The following FANCM variants were observed in gnomAD, a reference collection of about 807,000 sequenced individuals.
FANCM encodes Fanconi anemia group M protein.
In FANCM, 140 loss-of-function variants were observed where a neutral mutation model predicts 199.5. The ratio of observed to expected loss-of-function variants is 0.70; its 90% CI spans 0.61 to 0.81. FANCM has a LOEUF of 0.81. FANCM is among the 30% of genes least tolerant of loss of function. FANCM has a pLI of 0.00. For missense variants in FANCM, 2,410 were observed against 2,421.4 expected, an observed-to-expected ratio of 1.00 and a Z score of 0.10; for synonymous variants, 840 against 836.8, an observed-to-expected ratio of 1.00 and a Z score of -0.07.
At chr14:45,162,349 C>T (rs1887665914) in intron 9 of FANCM, among the ~76,000 whole-genome samples, 1 of 152,144 alleles carries the variant, frequency 6.6e-6, no homozygotes, top group African/African-American at 2.4e-5. Flanking sequence ...TGACATGCCT[C>T]TCAGATTAAT....
At position 45,199,901 on chromosome 14, in the gene FANCM, G is replaced by A; in HGVS notation, c.6040G>A (p.Val2014Ile). 2 of 1,611,198 alleles carry A rather than the reference G, an allele frequency of 1.2e-6. No homozygotes were observed. The highest frequency in any genetic ancestry group is 1.1e-5 in the South Asian group (1 of 91,040). Reference protein sequence around the residue: ...SLQEISMYAQVTHQKAEEIYR... With the variant: ...SLQEISMYAQITHQKAEEIYR... ...TCAAGAAATCTCCATGTATGCACAA[G>A]TAACTCATCAGAAGGCTGAGGAGAT... is the stretch of plus-strand genomic sequence containing the variant. The change falls in exon 23 of 23, where the codon GTA becomes ATA. Residue 2014 changes from valine to isoleucine, a missense_variant. Physicochemically the swap from Val to Ile is conservative, Grantham distance 29. Transcript: ENST00000267430.
chr14:45,174,007 A>G (rs1888504970), intron 13 of FANCM, among the ~76,000 whole-genome samples: 1 of 152,216 alleles, frequency 6.6e-6, no homozygotes, highest in African/African-American at 2.4e-5. Flanking sequence ...GTTAGCAAAC[A>G]GAGAAAATAT....
intron 3 of FANCM, 53 bp downstream of exon 3, chr14:45,140,762 C>T (rs1215975715): frequency 1.5e-5 from 17 of 1,121,704 alleles, no homozygotes; most frequent in Non-Finnish European, 2.0e-5. Flanking sequence ...AGCTTTTGGC[C>T]AGGTGCAGTG....
chr14:45,163,642 ATAT>A (rs971092443), intron 9 of FANCM, among the ~76,000 whole-genome samples: 2 of 152,246 alleles, frequency 1.3e-5, no homozygotes, highest in African/African-American at 4.8e-5. Context: ...ATTCTTACAA[ATAT>A]TATAAGAAAT....
intron 14 of FANCM, among the ~76,000 whole-genome samples, chr14:45,180,274 T>A (rs1879271524): frequency 1.3e-5 from 2 of 152,268 alleles, no homozygotes; most frequent in African/African-American, 4.8e-5. Flanking sequence ...TTTCATGAGG[T>A]AATAGTCAAG....
At position 45,189,238 on chromosome 14, in the gene FANCM, A is replaced by C; in HGVS notation, c.5216A>C (p.Lys1739Thr). The C allele has an allele frequency of 6.2e-7, 1 of 1,614,154 alleles. No individual in the cohort carries two copies. Among genetic ancestry groups the C allele is most frequent in the Non-Finnish European group, 8.5e-7 (1 of 1,179,976 alleles). Residue 1739 changes from lysine to threonine, a missense_variant, in exon 20 of 23, where the codon AAG becomes ACG. Lys to Thr is a moderately conservative substitution (Grantham distance 78, BLOSUM62 -1). Transcript: ENST00000267430. ...AGCAAACAGACATCGCTGAATTTAA[A>C]GGATACAATTTCCGAAGTCTCAGAC... ...KQSKQTSLNLKDTISEVSDFK... is the reference protein window; with the variant it reads ...KQSKQTSLNLTDTISEVSDFK...
intron 7 of FANCM, 48 bp downstream of exon 7, chr14:45,154,870 A>G: frequency 6.4e-7 from 1 of 1,559,494 alleles, no homozygotes; most frequent in Non-Finnish European, 8.8e-7. Context: ...TTTCTTAATC[A>G]CAGTTAATTT....
In FANCM at chr14:45,181,624, T is replaced by G. The variant is rs759866742; in HGVS notation, c.4318-13T>G. The G allele has an allele frequency of 1.2e-6, 2 of 1,604,136 alleles. No homozygotes were observed. Among genetic ancestry groups the G allele is most frequent in the Non-Finnish European group, 1.7e-6 (2 of 1,171,344 alleles). ...AGACTTTTGTTGCCTTTTACTTTAT[T>G]TACTTACTTTAGGATCAGAAAAATA... On this transcript the variant is annotated splice_polypyrimidine_tract_variant and intron_variant, in intron 15 of 22. Transcript: ENST00000267430.
At chr14:45,149,028 T>C (rs1419815046) in intron 4 of FANCM, 33 bp downstream of exon 4, 3 of 1,488,454 alleles carry the variant, frequency 2.0e-6, no homozygotes, top group South Asian at 1.1e-5. Context: ...AGGGATTTCA[T>C]AAATAAACTG....
intron 8 of FANCM, among the ~76,000 whole-genome samples, chr14:45,156,795 G>A (rs977009740): frequency 6.6e-6 from 1 of 151,746 alleles, no homozygotes; most frequent in African/African-American, 2.4e-5. Flanking sequence ...GTATGTGCCT[G>A]TAGTCTCAGC....
In FANCM at chr14:45,181,633, T is replaced by C. The variant is rs1405001942; in HGVS notation, c.4318-4T>C. On this transcript the variant is annotated splice_polypyrimidine_tract_variant and splice_region_variant and intron_variant, in intron 15 of 22. Transcript: ENST00000267430. ...TTGCCTTTTACTTTATTTACTTACTTTAGGATCAGAAAAATAGTGAAGTTG... is the reference window on the plus strand; with the variant it reads ...TTGCCTTTTACTTTATTTACTTACTCTAGGATCAGAAAAATAGTGAAGTTG... The C allele has an allele frequency of 6.2e-7, 1 of 1,608,996 alleles. No homozygotes were observed. Among genetic ancestry groups the C allele is most frequent in the East Asian group, 2.2e-5 (1 of 44,724 alleles).
intron 2 of FANCM, among the ~76,000 whole-genome samples, chr14:45,139,728 A>C (rs534121252): frequency 1.3e-5 from 2 of 152,286 alleles, no homozygotes; most frequent in African/African-American, 4.8e-5. Flanking sequence ...CTGTAATTCC[A>C]GCACTTTGGA....
intron 9 of FANCM, among the ~76,000 whole-genome samples, chr14:45,160,731 C>T (rs1276753043): frequency 2.0e-5 from 3 of 151,840 alleles, no homozygotes; most frequent in African/African-American, 4.8e-5. Flanking sequence ...TTAATAGAGA[C>T]GGGGTTTCAC....
chr14:45,149,127 G>C, intron 4 of FANCM, 132 bp downstream of exon 4: 1 of 847,334 alleles, frequency 1.2e-6, no homozygotes, highest in Non-Finnish European at 1.8e-6. Flanking sequence ...AAAATTCTTT[G>C]AAGTTAAAAT....
chr14:45,179,028 G>A (rs1441808618), intron 14 of FANCM, among the ~76,000 whole-genome samples: 2 of 151,776 alleles, frequency 1.3e-5, no homozygotes, highest in Admixed American at 1.3e-4. Flanking sequence ...ATGAAACCCC[G>A]TCTCTACTGA....
chr14:45,148,256 A>G (rs938269273), intron 3 of FANCM, among the ~76,000 whole-genome samples: 3 of 150,640 alleles, frequency 2.0e-5, no homozygotes, highest in Non-Finnish European at 4.4e-5. Context: ...TAATTTTTAC[A>G]TACTCTCAGG....
Position 45,188,941 on chromosome 14 carries a change from A to T in FANCM, c.4919A>T (p.Lys1640Met). The change falls in exon 20 of 23, where the codon AAG becomes ATG. Residue 1640 changes from lysine (K) to methionine (M), a missense_variant. Physicochemically the swap from Lys to Met is moderately conservative, Grantham distance 95. Coordinates refer to ENST00000267430, the MANE Select transcript of FANCM (RefSeq NM_020937.4). The part of the protein sequence containing the change: ...ITDDCFANSK[K>M]YKTRRAVMLK... ...GATGATTGCTTTGCAAATAGTAAAA[A>T]GTATAAAACTCGACGTGCAGTAATG... The T allele has an allele frequency of 6.2e-7, 1 of 1,614,036 alleles. No individual in the cohort carries two copies. The highest frequency in any genetic ancestry group is 8.5e-7 in the Non-Finnish European group (1 of 1,179,958).
chr14:45,163,352 TATC>T, intron 9 of FANCM, among the ~76,000 whole-genome samples: 1 of 152,342 alleles, frequency 6.6e-6, no homozygotes, highest in East Asian at 1.9e-4. Flanking sequence ...ACATAGTAGC[TATC>T]ATTATTTATC....
chr14:45,192,884 A>G (rs1889852835), intron 20 of FANCM, among the ~76,000 whole-genome samples: 2 of 152,186 alleles, frequency 1.3e-5, no homozygotes, highest in Non-Finnish European at 2.9e-5. Context: ...TGCAAAAGGC[A>G]GTGGACTAGC....
Sources: allele counts gnomAD v4.1 joint callset (sites outside exome capture counted in the v4.1 genomes callset), GRCh38; gene constraint gnomAD v4.1.1; transcripts MANE v1.5; gene names NCBI Gene and HGNC (gene_info 2026-07-23, HGNC 2026-07-21).